The following SCNN1A variants were observed in gnomAD, a reference collection of about 807,000 sequenced individuals.
SCNN1A encodes epithelial sodium channel subunit alpha.
Under a neutral mutation model 68.6 loss-of-function variants are expected in SCNN1A, and 65 were observed. The observed-to-expected ratio is 0.95, with a 90% CI of 0.78 to 1.16. SCNN1A has a LOEUF of 1.16. SCNN1A is among the 50% of genes most tolerant of loss of function. The pLI is 0.00. For missense variants in SCNN1A, 880 were observed against 865.9 expected, an observed-to-expected ratio of 1.02 and a Z score of -0.20; for synonymous variants, 357 against 353.3, an observed-to-expected ratio of 1.01 and a Z score of -0.12.
chr12:6,371,089 T>C (rs1159839564), intron 2 of SCNN1A, among the ~76,000 whole-genome samples: 1 of 152,138 alleles, frequency 6.6e-6, no homozygotes, highest in Non-Finnish European at 1.5e-5. Context: ...TTCCTTGAAG[T>C]TAGAAAGCAG....
chr12:6,370,628 T>C (rs955740399), intron 2 of SCNN1A, among the ~76,000 whole-genome samples: 1 of 152,200 alleles, frequency 6.6e-6, no homozygotes, highest in Non-Finnish European at 1.5e-5. Context: ...TCCAGGCTTT[T>C]TTTCCTGCCA....
chr12:6,363,983 G>C (rs1948632389), intron 2 of SCNN1A: 2 of 338,820 alleles, frequency 5.9e-6, no homozygotes, highest in Non-Finnish European at 5.3e-6. Flanking sequence ...CGTCTGTGGG[G>C]CGCTCTCCCC....
At position 6,349,160 on chromosome 12, in the gene SCNN1A, C is replaced by A; in HGVS notation, c.1497+4G>T. 3.1e-6 allele frequency: 5 copies of A among 1,613,826 alleles called. No individual in the cohort carries two copies. The highest frequency in any genetic ancestry group is 4.2e-6 in the Non-Finnish European group (5 of 1,179,794). ...CCCCCACCCATCCCTTCCCCACACT[C>A]TACCTGGGATGTCACCGAGGGCCAT... is the stretch of plus-strand genomic sequence containing the variant. On this transcript the variant is annotated splice_donor_region_variant and intron_variant, in intron 10 of 12. Coordinates refer to ENST00000228916, the MANE Select transcript of SCNN1A (RefSeq NM_001038.6).
chr12:6,362,125 CAG>C lies in SCNN1A; in HGVS notation c.799_800del (p.Leu267AlafsTer43). The stretch of plus-strand genomic sequence containing the variant: ...CCAGCGTGTCCTCCTCCAGGGATGG[CAG>C]AGTCTCTGGCAGCCTCGACAGGATG... ...INILSRLPET[L>X]PSLEEDTLGN... On this transcript the variant is annotated frameshift_variant, in exon 4 of 13. Transcript: ENST00000228916. LOFTEE classifies it high-confidence loss of function. The C allele has an allele frequency of 1.2e-6, 2 of 1,614,234 alleles. No individual in the cohort carries two copies. Among genetic ancestry groups the C allele is most frequent in the Non-Finnish European group, 8.5e-7 (1 of 1,180,030 alleles).
chr12:6,348,379 C>G, intron 12 of SCNN1A, 126 bp from the exon 13 acceptor site: 2 of 1,543,616 alleles, frequency 1.3e-6, no homozygotes, highest in Non-Finnish European at 1.8e-6. Context: ...TCCTCTCAGC[C>G]TCTCAGCAGC....
intron 4 of SCNN1A, among the ~76,000 whole-genome samples, chr12:6,356,546 G>A (rs144986851): frequency 5.9e-5 from 9 of 152,338 alleles, no homozygotes; most frequent in African/African-American, 1.4e-4. Flanking sequence ...AGGAAGATCA[G>A]TACCAAGTGT....
chr12:6,357,042 C>T (rs1565479907), intron 4 of SCNN1A, among the ~76,000 whole-genome samples: 2 of 152,118 alleles, frequency 1.3e-5, no homozygotes, highest in Non-Finnish European at 1.5e-5. Context: ...GGCACAGAGG[C>T]GTGACATACT....
chr12:6,363,228 G>A (rs1948610199), intron 3 of SCNN1A, among the ~76,000 whole-genome samples: 3 of 151,980 alleles, frequency 2.0e-5, no homozygotes, highest in Admixed American at 6.6e-5. Context: ...ACCCCAGGGA[G>A]GAGGCCCCAA....
upstream of SCNN1A, chr12:6,377,142 G>A: frequency 1.2e-6 from 1 of 823,410 alleles, no homozygotes; most frequent in South Asian, 1.8e-5. Context: ...AGTACTCCAG[G>A]CTCAGGGTCC....
At chr12:6,354,641 A>C (rs1592066591) in intron 7 of SCNN1A, 86 bp from the exon 8 acceptor site, 6 of 1,409,800 alleles carry the variant, frequency 4.3e-6, no homozygotes, top group Non-Finnish European at 6.0e-6. Flanking sequence ...TCTTTCCACC[A>C]CCCCCCAGTT....
At position 6,348,676 on chromosome 12, in the gene SCNN1A, T is replaced by C. The variant is rs72657546; in HGVS notation, c.1629+51A>G. On this transcript the variant is annotated intron_variant, in intron 12 of 12. Coordinates refer to ENST00000228916, the MANE Select transcript of SCNN1A (RefSeq NM_001038.6). ...TTTTGGTTTTCCCCGACAGCCGCCC[T>C]GCTAAGTAAGACCCCCAGAGCATCA... is the stretch of plus-strand genomic sequence containing the variant. The C allele has an allele frequency of 3.1e-3, 4,634 of 1,509,990 alleles. 126 individuals carry two copies. In the African/African-American group the frequency reaches 0.057, roughly 18 times the overall value. 93.5% of individuals were successfully genotyped at this position (1,509,990 alleles called of 1,614,324 possible). A position where few individuals can be genotyped will look rare whatever the true frequency, so the allele number is the denominator to read the frequency against.
chr12:6,377,340 T>C (rs1948929076), upstream of SCNN1A: 1 of 1,350,246 alleles, frequency 7.4e-7, no homozygotes, highest in African/African-American at 1.5e-5. Context: ...TTCCCAAGGA[T>C]AAATCAGTTT....
At chr12:6,367,857 A>G (rs193048615) in intron 2 of SCNN1A, among the ~76,000 whole-genome samples, 22 of 152,308 alleles carry the variant, frequency 1.4e-4, no homozygotes, top group Admixed American at 1.0e-3. Flanking sequence ...GTGCAGCTAC[A>G]TTAACCACCG....
rs891843136 is a variant in SCNN1A at position 6,347,207 on chromosome 12, A to G, written c.*666T>C. Reference sequence around the variant, plus strand: ...GGCTGAGGAAATATCTCAAGCAGACATGTAGAGGTATGAAAGACACAGGGC... The same window carrying G: ...GGCTGAGGAAATATCTCAAGCAGACGTGTAGAGGTATGAAAGACACAGGGC... On this transcript the variant is annotated 3_prime_UTR_variant, in exon 13 of 13. Transcript: ENST00000228916. The G allele has an allele frequency of 1.3e-5, 2 of 153,554 alleles. No individual in the cohort carries two copies. Among genetic ancestry groups the G allele is most frequent in the Admixed American group, 6.5e-5 (1 of 15,422 alleles). 9.5% of individuals were successfully genotyped at this position (153,554 alleles called of 1,614,324 possible). A position where few individuals can be genotyped will look rare whatever the true frequency, so the allele number is the denominator to read the frequency against.
In SCNN1A at chr12:6,348,266, A is replaced by G; in HGVS notation, c.1630-13T>C. ...GGAGGGTGACCATCTGTGAGAGGAG[A>G]GGTACATTGACGATGGGACAGAGGG... On this transcript the variant is annotated splice_polypyrimidine_tract_variant and intron_variant, in intron 12 of 12. Coordinates refer to ENST00000228916, the MANE Select transcript of SCNN1A (RefSeq NM_001038.6). 1.2e-6 allele frequency: 2 copies of G among 1,613,744 alleles called. No individual in the cohort carries two copies. The highest frequency in any genetic ancestry group is 4.5e-5 in the East Asian group (2 of 44,860).
rs3741914 is a variant in SCNN1A at position 6,374,297 on chromosome 12, T to C, written c.416+71A>G. 1,076,963 of 1,515,936 alleles carry C rather than the reference T, an allele frequency of 0.71. 384,459 individuals are homozygous for C. Among genetic ancestry groups the C allele is most frequent in the African/African-American group, 0.85 (62,244 of 72,994 alleles). 93.9% of individuals were successfully genotyped at this position (1,515,936 alleles called of 1,614,324 possible). A position where few individuals can be genotyped will look rare whatever the true frequency, so the allele number is the denominator to read the frequency against. On this transcript the variant is annotated intron_variant, in intron 2 of 12. Transcript: ENST00000228916. This position sits in a 1 kb window ranked among gnomAD's most constrained non-coding sequence, Gnocchi z 6.2. ...CAGGTCTGAGGCTCTGCCTGCCCAG[T>C]GAGCACCTCAGCACCCTGGACCACC...
chr12:6,358,305 A>ATT (rs1948530083), intron 4 of SCNN1A, among the ~76,000 whole-genome samples: 1 of 152,240 alleles, frequency 6.6e-6, no homozygotes, highest in Non-Finnish European at 1.5e-5. Flanking sequence ...GAGGTAGAGA[A>ATT]TTTAGAACCT....
upstream of SCNN1A, among the ~76,000 whole-genome samples, chr12:6,376,809 A>G (rs1565490120): frequency 6.6e-6 from 1 of 152,186 alleles, no homozygotes; most frequent in African/African-American, 2.4e-5. Flanking sequence ...GAGTGCAGGA[A>G]TGTGGTCACT....
chr12:6,359,190 CA>C (rs1948544477), intron 4 of SCNN1A, among the ~76,000 whole-genome samples: 1 of 151,668 alleles, frequency 6.6e-6, no homozygotes, highest in Admixed American at 6.6e-5. Context: ...TACACAACTC[CA>C]AATATATTAA....
Sources: allele counts gnomAD v4.1 joint callset (sites outside exome capture counted in the v4.1 genomes callset), GRCh38; gene constraint gnomAD v4.1.1; non-coding constraint Gnocchi (gnomAD v3.1); transcripts MANE v1.5; gene names NCBI Gene and HGNC (gene_info 2026-07-23, HGNC 2026-07-21).